Variants in PABPC4L observed in about 807,000 individuals in gnomAD.
The protein encoded by PABPC4L is polyadenylate-binding protein 4-like.
For missense variants in PABPC4L, 452 were observed against 451.4 expected, an observed-to-expected ratio of 1.00 and a Z score of -0.01; for synonymous variants, 169 against 164.1, an observed-to-expected ratio of 1.03 and a Z score of -0.23.
At chr4:134,012,429 C>T in the PABPC4L span, among the ~76,000 whole-genome samples, 12 of 152,154 alleles carry the variant, frequency 7.9e-5, no homozygotes, top group Admixed American at 6.6e-4. Context: ...GACACCCACT[C>T]CTGCCCGCCA....
At chr4:133,970,436 G>A in the PABPC4L span, among the ~76,000 whole-genome samples, 8 of 152,110 alleles carry the variant, frequency 5.3e-5, no homozygotes, top group Admixed American at 2.0e-4. Context: ...TGGACCCACA[G>A]CTAAAGCATC....
the PABPC4L span, among the ~76,000 whole-genome samples, chr4:134,157,269 T>G: frequency 6.6e-6 from 1 of 151,524 alleles, no homozygotes; most frequent in Admixed American, 6.6e-5. Context: ...CTCTTAGTTT[T>G]TTTTTTTTTA....
At chr4:134,001,715 A>G in the PABPC4L span, among the ~76,000 whole-genome samples, 10 of 152,282 alleles carry the variant, frequency 6.6e-5, no homozygotes, top group African/African-American at 2.4e-4. Context: ...CAATTAAAAT[A>G]CACATACATA....
At chr4:134,184,944 G>A in the PABPC4L span, among the ~76,000 whole-genome samples, 127 of 152,004 alleles carry the variant, frequency 8.4e-4, no homozygotes, top group Middle Eastern at 3.4e-3. Context: ...ACTTACAGCT[G>A]TTCATATGCT....
chr4:134,102,581 A>T, the PABPC4L span, among the ~76,000 whole-genome samples: 1 of 151,570 alleles, frequency 6.6e-6, no homozygotes, highest in Non-Finnish European at 1.5e-5. Context: ...TCTGGGCATC[A>T]CTTATATAAG....
the PABPC4L span, among the ~76,000 whole-genome samples, chr4:133,949,484 G>A: frequency 6.2e-4 from 95 of 152,060 alleles, no homozygotes; most frequent in Non-Finnish European, 1.3e-3. Flanking sequence ...CCCAGTGAAG[G>A]GGCTCTCTCA....
the PABPC4L span, among the ~76,000 whole-genome samples, chr4:134,158,050 T>G: frequency 6.6e-6 from 1 of 151,920 alleles, no homozygotes; most frequent in African/African-American, 2.4e-5. Context: ...TTTTGAAGAA[T>G]ATCCTTAGTC....
At chr4:134,189,825 TATTTACTTTCCCCTG>T in the PABPC4L span, among the ~76,000 whole-genome samples, 20 of 152,230 alleles carry the variant, frequency 1.3e-4, no homozygotes, top group African/African-American at 4.8e-4. Context: ...TGGAATTGTG[TATTTACTTTCCCCTG>T]ATTTGGTCAA....
the PABPC4L span, among the ~76,000 whole-genome samples, chr4:133,955,470 C>T: frequency 6.6e-6 from 1 of 151,886 alleles, no homozygotes; most frequent in African/African-American, 2.4e-5. Flanking sequence ...ATTTTTATTA[C>T]AATTATTAAC....
chr4:134,025,462 A>C, the PABPC4L span, among the ~76,000 whole-genome samples: 4 of 152,134 alleles, frequency 2.6e-5, no homozygotes, highest in Non-Finnish European at 4.4e-5. Flanking sequence ...TTGCTAGAGC[A>C]CCAGCTCTTA....
chr4:133,976,044 T>C, the PABPC4L span, among the ~76,000 whole-genome samples: 27 of 152,146 alleles, frequency 1.8e-4, no homozygotes, highest in Non-Finnish European at 3.2e-4. Flanking sequence ...AGTGGTTTGT[T>C]GCATCTATCA....
chr4:134,019,319 T>A, the PABPC4L span, among the ~76,000 whole-genome samples: 6 of 152,132 alleles, frequency 3.9e-5, no homozygotes, highest in Non-Finnish European at 7.4e-5. Context: ...CATAAACACA[T>A]GAATAACTGA....
chr4:134,192,575 T>C (rs1214567317), downstream of PABPC4L, among the ~76,000 whole-genome samples: 2 of 152,164 alleles, frequency 1.3e-5, no homozygotes, highest in East Asian at 3.8e-4. Context: ...ATAATTTTTA[T>C]AGTGGCATTA....
At chr4:134,046,460 C>T in the PABPC4L span, among the ~76,000 whole-genome samples, 3 of 152,060 alleles carry the variant, frequency 2.0e-5, no homozygotes, top group Non-Finnish European at 2.9e-5. Context: ...GGTTTTACAC[C>T]GAGACATTCC....
At chr4:133,979,287 A>G in the PABPC4L span, among the ~76,000 whole-genome samples, 4 of 152,334 alleles carry the variant, frequency 2.6e-5, no homozygotes, top group South Asian at 4.1e-4. Context: ...AATTTACAGC[A>G]GAACTGTTTT....
At chr4:134,068,876 C>A in the PABPC4L span, among the ~76,000 whole-genome samples, 1 of 151,766 alleles carries the variant, frequency 6.6e-6, no homozygotes, top group Non-Finnish European at 1.5e-5. Flanking sequence ...TCCTGGCTAC[C>A]TTTTTGTATT....
At chr4:134,041,876 A>C in the PABPC4L span, among the ~76,000 whole-genome samples, 1 of 152,118 alleles carries the variant, frequency 6.6e-6, no homozygotes, top group Admixed American at 6.6e-5. Flanking sequence ...AGATTTCCCA[A>C]ACAACTAAAA....
chr4:134,099,898 A>C, the PABPC4L span, among the ~76,000 whole-genome samples: 2 of 151,844 alleles, frequency 1.3e-5, no homozygotes, highest in South Asian at 4.1e-4. Context: ...ATTTTGTAAC[A>C]TCTGCAGGCA....
the PABPC4L span, among the ~76,000 whole-genome samples, chr4:134,101,329 A>C: frequency 6.6e-6 from 1 of 151,684 alleles, no homozygotes; most frequent in Non-Finnish European, 1.5e-5. Context: ...GAGAATACTC[A>C]GATTTGATCT....
Sources: allele counts gnomAD v4.1 joint callset (sites outside exome capture counted in the v4.1 genomes callset), GRCh38; gene constraint gnomAD v4.1.1; transcripts MANE v1.5; gene names NCBI Gene and HGNC (gene_info 2026-07-23, HGNC 2026-07-21).